ZHX2: variants seen among roughly 807,000 people sequenced by gnomAD.
The protein encoded by ZHX2 is zinc fingers and homeoboxes 2.
A neutral mutation model predicts 21.9 loss-of-function variants in ZHX2; 6 were observed. The observed-to-expected ratio is 0.27, with a 90% confidence interval of 0.15 to 0.54. The LOEUF (loss-of-function observed/expected upper bound fraction) is 0.54, where lower values mean the gene tolerates loss of function less well. Ranked by LOEUF, ZHX2 falls within the 20% of genes least tolerant of loss-of-function variation. The pLI, the probability that ZHX2 is intolerant of heterozygous loss-of-function variation, is 0.95. For missense variants in ZHX2, 908 were observed against 1,090.7 expected, an observed-to-expected ratio of 0.83 and a Z score of 2.36; for synonymous variants, 434 against 437.1, an observed-to-expected ratio of 0.99 and a Z score of 0.09.
intron 2 of ZHX2, among the ~76,000 whole-genome samples, chr8:122,900,886 A>G (rs1820213050): frequency 1.3e-5 from 2 of 152,200 alleles, no homozygotes; most frequent in Admixed American, 6.5e-5. Context: ...TACCATTAGT[A>G]GCACTCTCCT....
At chr8:122,950,085 T>C (rs1813071483) in intron 2 of ZHX2, among the ~76,000 whole-genome samples, 1 of 152,108 alleles carries the variant, frequency 6.6e-6, no homozygotes, top group Admixed American at 6.5e-5. Flanking sequence ...AAAAGGCCAG[T>C]TGAGGCCAAA....
intron 1 of ZHX2, among the ~76,000 whole-genome samples, chr8:122,853,626 T>C (rs1818956193): frequency 6.6e-6 from 1 of 152,178 alleles, no homozygotes; most frequent in Admixed American, 6.5e-5. Context: ...GCCCTTGCTC[T>C]GGACCTCACC....
chr8:122,876,585 C>T (rs754638763), intron 2 of ZHX2, among the ~76,000 whole-genome samples: 17 of 152,112 alleles, frequency 1.1e-4, no homozygotes, highest in Non-Finnish European at 1.8e-4. Flanking sequence ...GATGCCAGGC[C>T]TTGGTTACAA....
chr8:122,812,700 A>G (rs1055889469), intron 1 of ZHX2, among the ~76,000 whole-genome samples: 13 of 152,218 alleles, frequency 8.5e-5, no homozygotes, highest in Non-Finnish European at 1.6e-4. Context: ...GAGGTTTAAC[A>G]TGGAAAACCT....
intron 1 of ZHX2, among the ~76,000 whole-genome samples, chr8:122,784,948 C>G (rs1817363498): frequency 6.6e-6 from 1 of 152,216 alleles, no homozygotes; most frequent in Non-Finnish European, 1.5e-5. Context: ...CTGGCAGAAA[C>G]GCAAAGCACT....
At chr8:122,849,306 C>T (rs373061964) in intron 1 of ZHX2, among the ~76,000 whole-genome samples, 1 of 152,322 alleles carries the variant, frequency 6.6e-6, no homozygotes, top group East Asian at 1.9e-4. Context: ...AGCTCTGCTA[C>T]TCACTTGCTG....
intron 1 of ZHX2, among the ~76,000 whole-genome samples, chr8:122,853,515 T>C (rs1818952182): frequency 6.6e-6 from 1 of 152,162 alleles, no homozygotes; most frequent in African/African-American, 2.4e-5. Flanking sequence ...AATTCCTCAG[T>C]GTGGTGTGCA....
chr8:122,805,004 C>T (rs1291240935), intron 1 of ZHX2, among the ~76,000 whole-genome samples: 2 of 152,240 alleles, frequency 1.3e-5, no homozygotes, highest in African/African-American at 4.8e-5. Flanking sequence ...GTTCCTGCCC[C>T]TGGAAGGTTA....
rs1029747640 is a variant in ZHX2, at chr8:122,944,990, A to G, written c.-219-6302A>G. 2.6e-5 allele frequency among the ~76,000 whole-genome samples: 4 copies of G among 152,316 alleles called. No individual in the cohort carries two copies. The South Asian group carries it at 8.3e-4, about 32-fold the overall frequency. On this transcript the variant is annotated intron_variant, in intron 2 of 3. Transcript: ENST00000314393. The stretch of plus-strand genomic sequence containing the variant: ...TAGGAAACAGACTCCCACAGAGGGA[A>G]GACCTCAGAAAGACACAGGAGGAAG...
intron 1 of ZHX2, among the ~76,000 whole-genome samples, chr8:122,792,839 G>A (rs1045385180): frequency 3.7e-4 from 56 of 152,154 alleles, no homozygotes; most frequent in African/African-American, 1.3e-3. Context: ...CAAGTGCAGG[G>A]TGGCACCCGA....
At chr8:122,861,977 T>C (rs1368377677) in intron 1 of ZHX2, among the ~76,000 whole-genome samples, 1 of 152,216 alleles carries the variant, frequency 6.6e-6, no homozygotes, top group Non-Finnish European at 1.5e-5. Context: ...GGAATCAAAA[T>C]AAATTAATCA....
intron 2 of ZHX2, among the ~76,000 whole-genome samples, chr8:122,872,212 G>T (rs559199516): frequency 2.0e-5 from 3 of 152,216 alleles, no homozygotes; most frequent in Non-Finnish European, 4.4e-5. Flanking sequence ...CTCAGAGATA[G>T]AAGACTGCTG....
chr8:122,888,084 G>A (rs1350827743), intron 2 of ZHX2, among the ~76,000 whole-genome samples: 2 of 152,072 alleles, frequency 1.3e-5, no homozygotes. Context: ...CTTCTCCAGG[G>A]GTATTCCCTT....
intron 2 of ZHX2, among the ~76,000 whole-genome samples, chr8:122,906,125 T>C (rs887379347): frequency 6.6e-6 from 1 of 152,218 alleles, no homozygotes; most frequent in Non-Finnish European, 1.5e-5. Context: ...CCCCAAACTA[T>C]GGAAAATAAT....
At chr8:122,961,806 G>A (rs1349015243) in intron 3 of ZHX2, among the ~76,000 whole-genome samples, 2 of 152,194 alleles carry the variant, frequency 1.3e-5, no homozygotes, top group Non-Finnish European at 2.9e-5. Flanking sequence ...AATTCAAGAT[G>A]AGATTTGGGT....
At chr8:122,904,839 T>A (rs915677809) in intron 2 of ZHX2, among the ~76,000 whole-genome samples, 3 of 152,194 alleles carry the variant, frequency 2.0e-5, no homozygotes, top group Non-Finnish European at 2.9e-5. Context: ...ACTGAGATGC[T>A]ACAGAAGTTA....
chr8:122,862,344 T>A (rs1200633867), intron 1 of ZHX2, among the ~76,000 whole-genome samples: 2 of 152,216 alleles, frequency 1.3e-5, no homozygotes, highest in Non-Finnish European at 2.9e-5. Context: ...TGGCAAGTTG[T>A]CATTTTTGGA....
chr8:122,959,404 G>A (rs1010874526), intron 3 of ZHX2, among the ~76,000 whole-genome samples: 5 of 151,250 alleles, frequency 3.3e-5, no homozygotes, highest in African/African-American at 1.2e-4. Context: ...ATGAACGAAC[G>A]AATTAATTAA....
At chr8:122,873,061 G>A (rs1056724066) in intron 2 of ZHX2, among the ~76,000 whole-genome samples, 2 of 152,192 alleles carry the variant, frequency 1.3e-5, no homozygotes, top group South Asian at 2.1e-4. Context: ...CCTGTGTCAC[G>A]CACTCCCACC....
Sources: allele counts gnomAD v4.1 joint callset (sites outside exome capture counted in the v4.1 genomes callset), GRCh38; gene constraint gnomAD v4.1.1; transcripts MANE v1.5; gene names NCBI Gene and HGNC (gene_info 2026-07-23, HGNC 2026-07-21).